Variants in NCAM1 observed in about 807,000 individuals in gnomAD.
The protein encoded by NCAM1 is neural cell adhesion molecule 1, also known as antigen recognized by monoclonal antibody 5.1H11.
NCAM1 carries 14 observed loss-of-function variants against 109.8 expected under a neutral mutation model. That is an observed-to-expected ratio of 0.13 (90% confidence interval 0.08 to 0.20). NCAM1 has a LOEUF of 0.20. Among genes scored for constraint, NCAM1 ranks in the 10% least tolerant of loss-of-function variants. NCAM1 has a pLI of 1.00. For missense variants in NCAM1, 774 were observed against 1,109.9 expected (o/e 0.70, Z 4.30); for synonymous variants, 418 against 442.9 (o/e 0.94, Z 0.70).
intron 1 of NCAM1, among the ~76,000 whole-genome samples, chr11:113,193,689 G>GAGAGAA: frequency 1.3e-5 from 2 of 152,100 alleles, no homozygotes; most frequent in East Asian, 3.9e-4. Flanking sequence ...AACAGAGAAA[G>GAGAGAA]AGAGAAAGAG....
intron 1 of NCAM1, among the ~76,000 whole-genome samples, chr11:113,135,833 C>A (rs1159623920): frequency 1.3e-5 from 2 of 152,118 alleles, no homozygotes; most frequent in Admixed American, 6.5e-5. Context: ...GATTGGATAA[C>A]AGGTTTTCTG....
At chr11:112,997,336 TAGTA>T (rs779876444) in intron 1 of NCAM1, among the ~76,000 whole-genome samples, 6 of 152,134 alleles carry the variant, frequency 3.9e-5, no homozygotes, top group Non-Finnish European at 8.8e-5. Context: ...ATTTATTACA[TAGTA>T]TATTAATTCA....
chr11:113,225,862 C>T (rs1001330013), intron 9 of NCAM1, among the ~76,000 whole-genome samples: 1 of 152,160 alleles, frequency 6.6e-6, no homozygotes, highest in Non-Finnish European at 1.5e-5. Context: ...AAATAAAATC[C>T]TTTACAGACA....
intron 1 of NCAM1, among the ~76,000 whole-genome samples, chr11:113,102,225 A>G (rs1342500411): frequency 2.6e-5 from 4 of 152,172 alleles, no homozygotes; most frequent in African/African-American, 9.7e-5. Context: ...TTTTTAATGA[A>G]ATATAAGTTG....
chr11:113,132,428 A>T (rs1555098496), intron 1 of NCAM1, among the ~76,000 whole-genome samples: 1 of 151,774 alleles, frequency 6.6e-6, no homozygotes, highest in Non-Finnish European at 1.5e-5. Flanking sequence ...GCTCTAGATA[A>T]TGTGTGTTCC....
chr11:113,002,538 T>C (rs964393351), intron 1 of NCAM1, among the ~76,000 whole-genome samples: 2 of 152,176 alleles, frequency 1.3e-5, no homozygotes. Context: ...TTAGAATCTG[T>C]GTTCTACAGA....
Position 113,233,094 on chromosome 11 carries a change from G to T in NCAM1, c.1523-53G>T. ...ATGTGCCTTGTGACTGAGAGTTAAT[G>T]GTCTTGGGCCAAACTGGGCTCACCT... On this transcript the variant is annotated intron_variant, in intron 12 of 19. Coordinates refer to ENST00000316851, the MANE Select transcript of NCAM1 (RefSeq NM_181351.5). The surrounding 1 kb of genome is among the most constrained non-coding windows in gnomAD (Gnocchi z 4.5). The T allele has an allele frequency of 1.3e-6, 2 of 1,540,308 alleles. No homozygotes were observed. Among genetic ancestry groups the T allele is most frequent in the Non-Finnish European group, 1.8e-6 (2 of 1,129,838 alleles).
At chr11:113,173,409 G>A (rs1160715918) in intron 1 of NCAM1, among the ~76,000 whole-genome samples, 3 of 151,732 alleles carry the variant, frequency 2.0e-5, no homozygotes, top group South Asian at 2.1e-4. Context: ...AGTGGCGGGG[G>A]AGCTGTGCGA....
chr11:113,174,703 T>C (rs1565479661), intron 1 of NCAM1, among the ~76,000 whole-genome samples: 2 of 152,212 alleles, frequency 1.3e-5, no homozygotes, highest in African/African-American at 2.4e-5. Context: ...TTTTTTCCAC[T>C]TGCAAGTGGC....
At chr11:113,023,931 A>C (rs978261313) in intron 1 of NCAM1, among the ~76,000 whole-genome samples, 4 of 152,234 alleles carry the variant, frequency 2.6e-5, no homozygotes, top group African/African-American at 9.6e-5. Context: ...AAGGAAAAAA[A>C]AATGGTAAAT....
At chr11:113,061,747 G>A (rs1024893630) in intron 1 of NCAM1, among the ~76,000 whole-genome samples, 1 of 152,206 alleles carries the variant, frequency 6.6e-6, no homozygotes, top group Non-Finnish European at 1.5e-5. Flanking sequence ...AGCTTGTCCT[G>A]AGCTTGAATT....
intron 1 of NCAM1, among the ~76,000 whole-genome samples, chr11:112,990,062 A>G (rs1555070355): frequency 6.6e-6 from 1 of 152,180 alleles, no homozygotes; most frequent in Non-Finnish European, 1.5e-5. Context: ...GTGGGTGGCC[A>G]GCCTGTTACC....
intron 1 of NCAM1, among the ~76,000 whole-genome samples, chr11:113,064,247 G>A (rs1050717665): frequency 4.6e-5 from 7 of 152,136 alleles, no homozygotes; most frequent in South Asian, 2.1e-4. Flanking sequence ...TTTTTAACCC[G>A]TTAATATCCC....
intron 1 of NCAM1, among the ~76,000 whole-genome samples, chr11:113,197,424 T>C (rs1327388210): frequency 2.0e-5 from 3 of 152,248 alleles, no homozygotes; most frequent in Admixed American, 6.5e-5. Context: ...TCTAGAATGA[T>C]AGCCAACAAG....
At chr11:113,196,838 A>G (rs1246567437) in intron 1 of NCAM1, among the ~76,000 whole-genome samples, 1 of 152,218 alleles carries the variant, frequency 6.6e-6, no homozygotes, top group African/African-American at 2.4e-5. Context: ...TCCCTCCAGT[A>G]GTTTGCTGAT....
At chr11:113,254,482 G>A (rs948468226) in intron 15 of NCAM1, among the ~76,000 whole-genome samples, 9 of 152,282 alleles carry the variant, frequency 5.9e-5, no homozygotes, top group East Asian at 1.9e-4. Flanking sequence ...TCTAAAAAGC[G>A]CCCAGGTGAT....
intron 1 of NCAM1, among the ~76,000 whole-genome samples, chr11:113,022,185 C>T (rs1205246764): frequency 6.6e-6 from 1 of 152,186 alleles, no homozygotes; most frequent in African/African-American, 2.4e-5. Flanking sequence ...ATAATGCACT[C>T]AATACAAACA....
chr11:113,223,624 T>C (rs1421754344), intron 9 of NCAM1, among the ~76,000 whole-genome samples: 10 of 152,236 alleles, frequency 6.6e-5, no homozygotes, highest in Non-Finnish European at 8.8e-5. Flanking sequence ...CTCTTCCTTA[T>C]GGAAATGTTC....
At chr11:113,223,435 A>G (rs1362013530) in intron 9 of NCAM1, among the ~76,000 whole-genome samples, 2 of 152,178 alleles carry the variant, frequency 1.3e-5, no homozygotes, top group African/African-American at 4.8e-5. Flanking sequence ...AAATTTCCTG[A>G]AAGAAACTAG....
Sources: allele counts gnomAD v4.1 joint callset (sites outside exome capture counted in the v4.1 genomes callset), GRCh38; gene constraint gnomAD v4.1.1; non-coding constraint Gnocchi (gnomAD v3.1); transcripts MANE v1.5; gene names NCBI Gene and HGNC (gene_info 2026-07-23, HGNC 2026-07-21).